Variants in CCDC136 observed in about 807,000 individuals in gnomAD.
CCDC136 encodes the protein coiled-coil domain containing 136.
A neutral mutation model predicts 141.2 loss-of-function variants in CCDC136; 100 were observed. The ratio of observed to expected loss-of-function variants is 0.71; its 90% CI spans 0.60 to 0.84. The LOEUF is 0.84. Among genes scored for constraint, CCDC136 ranks in the 40% least tolerant of loss-of-function variants. The pLI, the probability that CCDC136 is intolerant of heterozygous loss-of-function variation, is 0.00. For missense variants in CCDC136, 1,206 were observed against 1,379.4 expected (o/e 0.87, Z 1.99); for synonymous variants, 474 against 531.9 (o/e 0.89, Z 1.50).
Position 128,817,731 on chromosome 7 carries a change from C to A in CCDC136, c.3364-27C>A. 1 of 1,499,144 alleles carries A rather than the reference C, an allele frequency of 6.7e-7. No individual in the cohort carries two copies. Among genetic ancestry groups the A allele is most frequent in the Non-Finnish European group, 9.3e-7 (1 of 1,075,336 alleles). The allele number at this position is 1,499,144 out of a possible 1,614,324, so 92.9% of individuals were successfully genotyped here. ...TCACATCTCCTGGTCTCTCCTCGTG[C>A]TTCTTTCTCATTTTGGTGTGTTGCA... On this transcript the variant is annotated intron_variant, in intron 16 of 17. Transcript: ENST00000297788. The surrounding 1 kb of genome is among the most constrained non-coding windows in gnomAD (Gnocchi z 4.6).
In CCDC136 at chr7:128,792,280, G is replaced by GCCCCCCCCCCCCCCCCCCCCCCCC; in HGVS notation, c.-126_-125insCCCCCCCCCCCCCCCCCCCCCCCC. ...TCCTCTGCACCCCAGCCCGCAGCCAGCCCCCCACCCCCCAGCCCCTCCTTT... is the reference window on the plus strand; with the variant it reads ...TCCTCTGCACCCCAGCCCGCAGCCAGCCCCCCCCCCCCCCCCCCCCCCCCCCCCCCACCCCCCAGCCCCTCCTTT... On this transcript the variant is annotated 5_prime_UTR_variant, in exon 1 of 18. Coordinates refer to ENST00000297788, the MANE Select transcript of CCDC136 (RefSeq NM_022742.5). 7.5e-7 allele frequency: 1 copy of GCCCCCCCCCCCCCCCCCCCCCCCC among 1,334,790 alleles called. No individual in the cohort carries two copies. Among genetic ancestry groups the GCCCCCCCCCCCCCCCCCCCCCCCC allele is most frequent in the East Asian group, 3.6e-5 (1 of 28,088 alleles). The allele number at this position is 1,334,790 out of a possible 1,614,324, so 82.7% of individuals were successfully genotyped here.
intron 13 of CCDC136, 117 bp from the exon 14 acceptor site, chr7:128,812,591 C>T (rs535793182): frequency 3.2e-5 from 26 of 805,798 alleles, no homozygotes; most frequent in East Asian, 2.9e-4. Context: ...AGTAATCCCC[C>T]GCGGGCATCT....
chr7:128,794,764 C>A lies in CCDC136; in HGVS notation c.342C>A (p.Leu114=). 6.4e-7 allele frequency: 1 copy of A among 1,551,604 alleles called. No individual in the cohort carries two copies. Among genetic ancestry groups the A allele is most frequent in the East Asian group, 2.4e-5 (1 of 40,914 alleles). ...AEVFTKQIQQ[L]QGELRSLREE... ...TGTTCACCAAGCAGATCCAGCAGCT[C>A]CAAGGTAATTCCCAGGACTTGGACT... The change falls in exon 3 of 18, where the codon CTC becomes CTA. Residue 114 remains leucine (L), a synonymous_variant. Transcript: ENST00000297788. The surrounding 1 kb of genome is among the most constrained non-coding windows in gnomAD (Gnocchi z 4.3).
Position 128,809,004 on chromosome 7 carries a change from A to T in CCDC136, c.1606-446A>T, listed in dbSNP as rs555946541. 11 of 978,882 alleles carry T rather than the reference A, an allele frequency of 1.1e-5. No individual in the cohort carries two copies. The South Asian group carries it at 5.2e-4, about 46-fold the overall frequency. 60.6% of individuals were successfully genotyped at this position (978,882 alleles called of 1,614,324 possible). ...GAATTAGGAAAGCAAAAATGGGAAA[A>T]ATTAGGGTGAAATTAAGTCCTTATT... is the stretch of plus-strand genomic sequence containing the variant. On this transcript the variant is annotated intron_variant, in intron 10 of 17. Coordinates refer to ENST00000297788, the MANE Select transcript of CCDC136 (RefSeq NM_022742.5).
upstream of CCDC136, chr7:128,791,428 T>G (rs1802143746): frequency 8.4e-7 from 1 of 1,188,454 alleles, no homozygotes; most frequent in Non-Finnish European, 1.1e-6. This position sits in a 1 kb window ranked among gnomAD's most constrained non-coding sequence, Gnocchi z 7.1. Flanking sequence ...CGCACCCGGC[T>G]CGGGTCCCCG....
chr7:128,810,485 G>A lies in CCDC136; in HGVS notation c.2028+119G>A. 4.4e-6 allele frequency: 3 copies of A among 680,214 alleles called. No homozygotes were observed. In the South Asian group the frequency reaches 5.7e-5, roughly 13 times the overall value. 42.1% of individuals were successfully genotyped at this position (680,214 alleles called of 1,614,324 possible). On this transcript the variant is annotated intron_variant, in intron 12 of 17. Coordinates refer to ENST00000297788, the MANE Select transcript of CCDC136 (RefSeq NM_022742.5). ...GTGTTTGGCCAGGGGTAAGGATAAGGCAAAAGCCCTGCCTTTCACCAGCTG... is the reference window on the plus strand; with the variant it reads ...GTGTTTGGCCAGGGGTAAGGATAAGACAAAAGCCCTGCCTTTCACCAGCTG...
chr7:128,811,821 C>G lies in CCDC136; in HGVS notation c.2050C>G (p.Gln684Glu). 6.3e-7 allele frequency: 1 copy of G among 1,589,762 alleles called. No homozygotes were observed. Reference sequence around the variant, plus strand: ...CCAGCAATCCAAGCTGCTCATGGAGCAGATGCAGGCCCTGCAGGTGATGTA... The same window carrying G: ...CCAGCAATCCAAGCTGCTCATGGAGGAGATGCAGGCCCTGCAGGTGATGTA... Reference protein sequence around the residue: ...RNKQSKLLMEQMQALQVMYDA... With the variant: ...RNKQSKLLMEEMQALQVMYDA... Residue 684 changes from glutamine (Q) to glutamate (E), a missense_variant, in exon 13 of 18, where the codon CAG (glutamine) becomes GAG (glutamate). Transcript: ENST00000297788.
intron 9 of CCDC136, 133 bp downstream of exon 9, chr7:128,806,991 G>A: frequency 1.2e-6 from 1 of 822,838 alleles, no homozygotes; most frequent in Admixed American, 3.2e-5. Flanking sequence ...GTGCTTAGGA[G>A]AAAGGTGACC....
In CCDC136 at chr7:128,805,937, C is replaced by T. The variant is rs1411591237; in HGVS notation, c.1089+36C>T. ...CCCGGGGAGGCATCTGGGGTGGGGG[C>T]AGAAGGGCCTCATGGAGGGGCTGCT... is the stretch of plus-strand genomic sequence containing the variant. On this transcript the variant is annotated intron_variant, in intron 7 of 17. Coordinates refer to ENST00000297788, the MANE Select transcript of CCDC136 (RefSeq NM_022742.5). This position sits in a 1 kb window ranked among gnomAD's most constrained non-coding sequence, Gnocchi z 4.6. 3.7e-6 allele frequency: 6 copies of T among 1,611,254 alleles called. No homozygotes were observed. In the East Asian group the frequency reaches 6.7e-5, roughly 18 times the overall value.
At chr7:128,814,558 G>C in intron 14 of CCDC136, 80 bp from the exon 15 acceptor site, 1 of 1,147,154 alleles carries the variant, frequency 8.7e-7, no homozygotes, top group Non-Finnish European at 1.2e-6. Flanking sequence ...CCCCCAAGCA[G>C]GGCTGAGTTT....
intron 3 of CCDC136, among the ~76,000 whole-genome samples, chr7:128,799,129 T>G (rs1394835078): frequency 2.1e-5 from 3 of 145,114 alleles, no homozygotes; most frequent in South Asian, 4.4e-4. Flanking sequence ...CCCAGGAGTT[T>G]GAGACCAGCC....
chr7:128,815,635 T>C lies in CCDC136; in HGVS notation c.3067T>C (p.Tyr1023His). The C allele has an allele frequency of 6.4e-7, 1 of 1,555,710 alleles. No homozygotes were observed. Among genetic ancestry groups the C allele is most frequent in the Non-Finnish European group, 8.7e-7 (1 of 1,149,500 alleles). The change falls in exon 16 of 18, where the codon TAC becomes CAC. Residue 1023 changes from tyrosine (Y) to histidine (H), a missense_variant. Coordinates refer to ENST00000297788, the MANE Select transcript of CCDC136 (RefSeq NM_022742.5). ...ACAGAGTCTGGAGGTAGTGCTGTAC[T>C]ACAAGGCCAGCCAGAGGAAATTAGA... ...TRKSLEVVLY[Y>H]KASQRKLDGL...
chr7:128,810,151 C>T lies in CCDC136; in HGVS notation c.1813C>T (p.Leu605Phe), dbSNP rs1805488835. The T allele has an allele frequency of 6.3e-7, 1 of 1,589,834 alleles. No individual in the cohort carries two copies. The highest frequency in any genetic ancestry group is 8.6e-7 in the Non-Finnish European group (1 of 1,167,948). ...SGLLLKSQEL[L>F]TKLEDLCELQ... is the part of the protein sequence containing the mutation. ...TACTCCGCCTCAGAGTCAGGAGCTA[C>T]TCACCAAGTTAGAAGACCTGTGTGA... Residue 605 changes from leucine to phenylalanine, a missense_variant, in exon 12 of 18, where the codon CTC (leucine) becomes TTC (phenylalanine). Transcript: ENST00000297788.
chr7:128,806,679 C>T lies in CCDC136; in HGVS notation c.1249-9C>T, dbSNP rs1268713308. 1.2e-6 allele frequency: 2 copies of T among 1,607,422 alleles called. No individual in the cohort carries two copies. Among genetic ancestry groups the T allele is most frequent in the East Asian group, 2.2e-5 (1 of 44,784 alleles). On this transcript the variant is annotated splice_polypyrimidine_tract_variant and intron_variant, in intron 8 of 17. Transcript: ENST00000297788. ...CCAAAGGCACTGCCCAAAGCCCCCT[C>T]TACCATAGGAGTTACTGTGCCGGCT...
intron 17 of CCDC136, among the ~76,000 whole-genome samples, chr7:128,819,290 C>G: frequency 6.6e-6 from 1 of 152,346 alleles, no homozygotes; most frequent in East Asian, 1.9e-4. Context: ...CCCCAACATG[C>G]ACCTGTGCAG....
rs551065834 is a variant in CCDC136, at chr7:128,793,507, A to G, written c.17-841A>G. Reference sequence around the variant, plus strand: ...CGAGTTTGTCCAATGAAACCTCTACAATCAGATATTTTCTTTCTCTACCTG... The same window carrying G: ...CGAGTTTGTCCAATGAAACCTCTACGATCAGATATTTTCTTTCTCTACCTG... On this transcript the variant is annotated intron_variant, in intron 1 of 17. Transcript: ENST00000297788. Among the ~76,000 whole-genome samples the G allele has an allele frequency of 3.3e-5, 5 of 152,328 alleles. No homozygotes were observed. In the East Asian group the frequency reaches 9.6e-4, roughly 29 times the overall value.
In CCDC136 at chr7:128,812,912, C is replaced by G; in HGVS notation, c.2746C>G (p.Gln916Glu). Residue 916 changes from glutamine to glutamate, a missense_variant, in exon 14 of 18, where the codon CAG becomes GAG. By Grantham distance (29) the Gln-to-Glu change is conservative (BLOSUM62 2). Coordinates refer to ENST00000297788, the MANE Select transcript of CCDC136 (RefSeq NM_022742.5). ...ATGCCTTGAAAAGCCCATGGCCCCC[C>G]AGAACGACAAGAATGAGGTAACCAC... ...MECLEKPMAP[Q>E]NDKNEIKELQ... is the part of the protein sequence containing the mutation. The G allele has an allele frequency of 1.2e-6, 2 of 1,608,046 alleles. No homozygotes were observed. Among genetic ancestry groups the G allele is most frequent in the African/African-American group, 1.3e-5 (1 of 74,832 alleles).
intron 3 of CCDC136, among the ~76,000 whole-genome samples, chr7:128,797,038 G>T (rs1010269465): frequency 2.6e-5 from 4 of 152,116 alleles, no homozygotes; most frequent in Non-Finnish European, 5.9e-5. Context: ...ACCGCGCCCG[G>T]CCCAGAATAT....
At chr7:128,808,627 T>C (rs1322025237) in intron 10 of CCDC136, 2 of 985,268 alleles carry the variant, frequency 2.0e-6, no homozygotes, top group Admixed American at 6.2e-5. Flanking sequence ...AACTCAGTAG[T>C]TCCTGTCCCT....
Sources: allele counts gnomAD v4.1 joint callset (sites outside exome capture counted in the v4.1 genomes callset), GRCh38; gene constraint gnomAD v4.1.1; non-coding constraint Gnocchi (gnomAD v3.1); transcripts MANE v1.5; gene names NCBI Gene and HGNC (gene_info 2026-07-23, HGNC 2026-07-21).